BABAM2: variants seen among roughly 807,000 people sequenced by gnomAD.
BABAM2 encodes the protein BRISC and BRCA1 A complex member 2.
Under a neutral mutation model 54.7 loss-of-function variants are expected in BABAM2, and 31 were observed. That is an observed-to-expected ratio of 0.57 (90% CI 0.43 to 0.77). The LOEUF is 0.77. Ranked by LOEUF, BABAM2 falls within the 30% of genes least tolerant of loss-of-function variation. The probability of loss-of-function intolerance (pLI) is 0.00; values close to 1 mark genes in which losing one functional copy is unlikely to be tolerated. For missense variants in BABAM2, 364 were observed against 455.8 expected (o/e 0.80, Z 1.83); for synonymous variants, 167 against 162.9 (o/e 1.03, Z -0.19).
At chr2:28,147,864 G>A (rs776862204) in intron 7 of BABAM2, among the ~76,000 whole-genome samples, 1 of 152,094 alleles carries the variant, frequency 6.6e-6, no homozygotes, top group Non-Finnish European at 1.5e-5. Context: ...GTGCATTCTT[G>A]GACATCTGGC....
At chr2:28,145,520 T>C (rs1671417540) in intron 7 of BABAM2, among the ~76,000 whole-genome samples, 1 of 152,204 alleles carries the variant, frequency 6.6e-6, no homozygotes, top group Non-Finnish European at 1.5e-5. Context: ...ATTCTTTCCC[T>C]TTCCTTCACT....
At chr2:28,218,297 C>T (rs1162464935) in intron 7 of BABAM2, among the ~76,000 whole-genome samples, 2 of 152,188 alleles carry the variant, frequency 1.3e-5, no homozygotes, top group Non-Finnish European at 2.9e-5. Context: ...ATTATCTAAT[C>T]CACAGTCCAT....
rs1159017887 is a variant in BABAM2, at chr2:28,086,583, C to T, written c.570+40784C>T. Among the ~76,000 whole-genome samples, 3 of 152,076 alleles carry T rather than the reference C, an allele frequency of 2.0e-5. No individual in the cohort carries two copies. The East Asian group carries it at 5.8e-4, about 29-fold the overall frequency. ...GTGAGCTGATAGAGGTCTTCTTTTG[C>T]CTGAAGGAAGGAGAATATTGAAATA... On this transcript the variant is annotated intron_variant, in intron 6 of 11. Coordinates refer to ENST00000379624, the MANE Select transcript of BABAM2 (RefSeq NM_199191.3).
At chr2:28,254,576 G>A (rs1460062285) in intron 10 of BABAM2, among the ~76,000 whole-genome samples, 2 of 151,684 alleles carry the variant, frequency 1.3e-5, no homozygotes, top group Non-Finnish European at 2.9e-5. Flanking sequence ...GAAAAATATA[G>A]TGAACCGCTA....
intron 3 of BABAM2, among the ~76,000 whole-genome samples, chr2:27,966,792 C>A (rs953467926): frequency 6.6e-6 from 1 of 152,246 alleles, no homozygotes; most frequent in African/African-American, 2.4e-5. Context: ...GCTTTAATAG[C>A]TTGAACCATT....
At chr2:28,313,685 C>T (rs1353411236) in intron 11 of BABAM2, among the ~76,000 whole-genome samples, 1 of 152,188 alleles carries the variant, frequency 6.6e-6, no homozygotes, top group Non-Finnish European at 1.5e-5. Context: ...AGTAAGCCTA[C>T]AGTCTGTGTG....
intron 7 of BABAM2, among the ~76,000 whole-genome samples, chr2:28,142,301 A>G (rs1671134874): frequency 6.6e-6 from 1 of 152,196 alleles, no homozygotes; most frequent in African/African-American, 2.4e-5. Context: ...TGATGGGTTA[A>G]CATAATATTG....
intron 7 of BABAM2, among the ~76,000 whole-genome samples, chr2:28,221,141 C>T (rs921321265): frequency 9.9e-5 from 15 of 151,668 alleles, no homozygotes; most frequent in Non-Finnish European, 1.6e-4. Context: ...TCCACTGAGA[C>T]CCAAGGAAAA....
At chr2:28,266,497 C>G (rs578158205) in intron 10 of BABAM2, among the ~76,000 whole-genome samples, 1 of 152,328 alleles carries the variant, frequency 6.6e-6, no homozygotes, top group Admixed American at 6.5e-5. Context: ...CTCTGTCATT[C>G]CCAAAGTGTT....
chr2:27,965,388 T>C (rs1044870775), intron 3 of BABAM2, among the ~76,000 whole-genome samples: 2 of 152,206 alleles, frequency 1.3e-5, no homozygotes, highest in Non-Finnish European at 2.9e-5. Context: ...TATAATGAAC[T>C]CTTATGTACC....
rs192069138 is a variant in BABAM2, at chr2:28,077,376, T to C, written c.570+31577T>C. 8.1e-4 allele frequency among the ~76,000 whole-genome samples: 124 copies of C among 152,334 alleles called. 1 individual carries two copies. Among genetic ancestry groups the C allele is most frequent in the Non-Finnish European group, 7.3e-5 (5 of 68,028 alleles). ...GGAGTCTGTAAGCTGCTATTAAAAT[T>C]GTATTAACTTTTGGCTTTTATTCCA... is the stretch of plus-strand genomic sequence containing the variant. On this transcript the variant is annotated intron_variant, in intron 6 of 11. Coordinates refer to ENST00000379624, the MANE Select transcript of BABAM2 (RefSeq NM_199191.3).
intron 3 of BABAM2, among the ~76,000 whole-genome samples, chr2:27,973,518 A>T (rs531881279): frequency 6.6e-6 from 1 of 151,456 alleles, no homozygotes; most frequent in Non-Finnish European, 1.5e-5. Context: ...AGCCTCTTAG[A>T]CTCTTTTCTT....
At chr2:27,941,438 C>T (rs1668872320) in intron 3 of BABAM2, among the ~76,000 whole-genome samples, 1 of 151,942 alleles carries the variant, frequency 6.6e-6, no homozygotes, top group African/African-American at 2.4e-5. Flanking sequence ...TGCCTGTAAT[C>T]CTAGCTTCTC....
chr2:27,890,190 T>G (rs1573090162), upstream of BABAM2: 3 of 1,498,324 alleles, frequency 2.0e-6, no homozygotes, highest in East Asian at 2.3e-5. The surrounding 1 kb of genome is among the most constrained non-coding windows in gnomAD (Gnocchi z 4.8). Flanking sequence ...AAAGCTCCAC[T>G]GGGCGCATAG....
chr2:28,238,068 T>G (rs1260482574), intron 8 of BABAM2, among the ~76,000 whole-genome samples: 1 of 152,144 alleles, frequency 6.6e-6, no homozygotes, highest in African/African-American at 2.4e-5. Flanking sequence ...CAGGCTAGTC[T>G]CAAACTCCTG....
intron 3 of BABAM2, among the ~76,000 whole-genome samples, chr2:27,981,723 A>G (rs1672016202): frequency 6.6e-6 from 1 of 152,198 alleles, no homozygotes; most frequent in Non-Finnish European, 1.5e-5. Context: ...ATAATATTCC[A>G]TTACATGTAT....
chr2:28,051,421 A>T (rs1677985689), intron 6 of BABAM2, among the ~76,000 whole-genome samples: 1 of 152,202 alleles, frequency 6.6e-6, no homozygotes, highest in African/African-American at 2.4e-5. Context: ...GACTGTGTTT[A>T]TTTGGAGGTA....
At chr2:28,208,542 A>G (rs914702324) in intron 7 of BABAM2, among the ~76,000 whole-genome samples, 1 of 151,990 alleles carries the variant, frequency 6.6e-6, no homozygotes, top group African/African-American at 2.4e-5. Flanking sequence ...TTCTTCCTTT[A>G]TTGTACCTTT....
Position 28,305,109 on chromosome 2 carries a change from A to T in BABAM2, c.1088+6618A>T, listed in dbSNP as rs1027452438. The stretch of plus-strand genomic sequence containing the variant: ...GACCTCCAGTACAATTTTTTACATA[A>T]GTGATAAGAGCAGAATCTAGCTGTA... On this transcript the variant is annotated intron_variant, in intron 11 of 11. Transcript: ENST00000379624. Among the ~76,000 whole-genome samples, 51 of 152,238 alleles carry T rather than the reference A, an allele frequency of 3.4e-4. 1 individual carries two copies. The highest frequency in any genetic ancestry group is 1.2e-3 in the African/African-American group (48 of 41,462).
Sources: allele counts gnomAD v4.1 joint callset (sites outside exome capture counted in the v4.1 genomes callset), GRCh38; gene constraint gnomAD v4.1.1; non-coding constraint Gnocchi (gnomAD v3.1); transcripts MANE v1.5; gene names NCBI Gene and HGNC (gene_info 2026-07-23, HGNC 2026-07-21).